Variants in FAM193A observed in about 807,000 individuals in gnomAD.
FAM193A encodes the protein family with sequence similarity 193 member A, also known as protein FAM193A.
A neutral mutation model predicts 126.5 loss-of-function variants in FAM193A; 22 were observed. That is an observed-to-expected ratio of 0.17 (90% CI 0.12 to 0.25). The LOEUF (loss-of-function observed/expected upper bound fraction) is 0.25, where lower values mean the gene tolerates loss of function less well. Ranked by LOEUF, FAM193A falls within the 10% of genes least tolerant of loss-of-function variation. FAM193A has a pLI of 1.00. For missense variants in FAM193A, 1,675 were observed against 1,672.8 expected (o/e 1.00, Z -0.02); for synonymous variants, 761 against 646.8 (o/e 1.18, Z -2.68).
intron 20 of FAM193A, among the ~76,000 whole-genome samples, chr4:2,726,222 G>A (rs1241392625): frequency 6.6e-6 from 1 of 152,018 alleles, no homozygotes; most frequent in Non-Finnish European, 1.5e-5. Context: ...AAAATGTTTA[G>A]TAGAGACAGT....
At chr4:2,684,306 G>A (rs1715478892) in intron 13 of FAM193A, among the ~76,000 whole-genome samples, 1 of 152,070 alleles carries the variant, frequency 6.6e-6, no homozygotes, top group Non-Finnish European at 1.5e-5. Flanking sequence ...AAGTGATTCT[G>A]TAGTGGTGCC....
chr4:2,685,630 C>T (rs190173552), intron 13 of FAM193A, among the ~76,000 whole-genome samples: 16 of 152,288 alleles, frequency 1.1e-4, no homozygotes, highest in East Asian at 5.8e-4. Flanking sequence ...TTAACCTTTT[C>T]GTTACTGGGG....
intron 13 of FAM193A, among the ~76,000 whole-genome samples, chr4:2,675,165 G>T (rs1490741463): frequency 6.6e-6 from 1 of 152,074 alleles, no homozygotes; most frequent in Non-Finnish European, 1.5e-5. Context: ...CCCAGAATTT[G>T]GTCTGTCTTG....
chr4:2,598,744 G>T (rs1741016808), intron 2 of FAM193A, among the ~76,000 whole-genome samples: 2 of 152,240 alleles, frequency 1.3e-5, no homozygotes, highest in Non-Finnish European at 2.9e-5. Flanking sequence ...TGTGCACCTG[G>T]GAGGCCAGGT....
At position 2,663,165 on chromosome 4, in the gene FAM193A, G is replaced by T. The variant is rs746495617; in HGVS notation, c.1956G>T (p.Ala652=). The T allele has an allele frequency of 4.1e-5, 66 of 1,614,052 alleles. No individual in the cohort carries two copies. The Admixed American group carries it at 5.2e-4, about 13-fold the overall frequency. ...CCTCAGAAGCTGATGATGAAGAAGCGGACGGCGAGAGTAGTGGGGAGCCCC... is the reference window on the plus strand; with the variant it reads ...CCTCAGAAGCTGATGATGAAGAAGCTGACGGCGAGAGTAGTGGGGAGCCCC... ...SSSSEADDEE[A]DGESSGEPPG... is the part of the protein sequence containing the mutation. Residue 652 remains alanine (A), a synonymous_variant, in exon 12 of 21, where the codon GCG becomes GCT. Coordinates refer to ENST00000637812, the MANE Select transcript of FAM193A (RefSeq NM_001366318.2).
chr4:2,722,641 ACAGT>A (rs1447340483), intron 20 of FAM193A, among the ~76,000 whole-genome samples: 2 of 152,180 alleles, frequency 1.3e-5, no homozygotes, highest in Non-Finnish European at 2.9e-5. Flanking sequence ...GGGAGATGAC[ACAGT>A]CAGCCCTTCC....
intron 2 of FAM193A, among the ~76,000 whole-genome samples, chr4:2,597,197 A>T (rs1017931375): frequency 1.3e-5 from 2 of 152,040 alleles, no homozygotes; most frequent in African/African-American, 4.8e-5. Context: ...CCCCTCCCGC[A>T]TGTCCCGCTT....
At chr4:2,695,267 T>C in intron 17 of FAM193A, 138 bp downstream of exon 17, 1 of 652,602 alleles carries the variant, frequency 1.5e-6, no homozygotes, top group Non-Finnish European at 2.3e-6. Flanking sequence ...CAAAGAAAAA[T>C]ATATGCCCAA....
At chr4:2,654,134 C>G (rs1168059385) in intron 7 of FAM193A, among the ~76,000 whole-genome samples, 1 of 152,168 alleles carries the variant, frequency 6.6e-6, no homozygotes, top group Non-Finnish European at 1.5e-5. Flanking sequence ...TATACTGATT[C>G]AAAGGCTTTA....
chr4:2,708,894 A>C (rs373562603), intron 19 of FAM193A, among the ~76,000 whole-genome samples: 1 of 152,202 alleles, frequency 6.6e-6, no homozygotes, highest in South Asian at 2.1e-4. Context: ...CTACTTTTTC[A>C]ATTCTTACGC....
At chr4:2,630,766 A>G (rs1743483144) in intron 4 of FAM193A, among the ~76,000 whole-genome samples, 169 bp from the exon 5 acceptor site, 1 of 152,188 alleles carries the variant, frequency 6.6e-6, no homozygotes. Flanking sequence ...CGGATTCCCC[A>G]TCCATTAGGT....
intron 1 of FAM193A, among the ~76,000 whole-genome samples, chr4:2,553,482 G>T (rs944487586): frequency 6.7e-6 from 1 of 149,680 alleles, no homozygotes. Context: ...CCGGGTTCAA[G>T]AGATTCTCCT....
At chr4:2,668,966 C>G (rs1459981318) in intron 12 of FAM193A, among the ~76,000 whole-genome samples, 1 of 152,120 alleles carries the variant, frequency 6.6e-6, no homozygotes, top group Non-Finnish European at 1.5e-5. Flanking sequence ...CCTCAGCCAC[C>G]TGAGTAGCTG....
chr4:2,633,143 A>G (rs1743761814), intron 5 of FAM193A, among the ~76,000 whole-genome samples: 1 of 152,086 alleles, frequency 6.6e-6, no homozygotes, highest in Non-Finnish European at 1.5e-5. Flanking sequence ...CACGCCTGTA[A>G]TTCCAGCACT....
chr4:2,714,331 C>G (rs955499867), intron 19 of FAM193A, among the ~76,000 whole-genome samples: 5 of 152,122 alleles, frequency 3.3e-5, no homozygotes, highest in Non-Finnish European at 5.9e-5. Context: ...ACATGTGGAG[C>G]CTGCTGTGGC....
intron 5 of FAM193A, among the ~76,000 whole-genome samples, chr4:2,633,215 T>C (rs1050012093): frequency 2.0e-5 from 3 of 151,856 alleles, no homozygotes; most frequent in Admixed American, 6.6e-5. Flanking sequence ...CTGGCCAATA[T>C]GATGAAACCC....
At chr4:2,540,843 C>G (rs1427085304) in intron 1 of FAM193A, among the ~76,000 whole-genome samples, 1 of 151,842 alleles carries the variant, frequency 6.6e-6, no homozygotes, top group Non-Finnish European at 1.5e-5. Context: ...TGCCTGTAAT[C>G]CCAGCTACTC....
At chr4:2,721,942 TTGAG>T (rs1410579130) in intron 20 of FAM193A, among the ~76,000 whole-genome samples, 1 of 152,148 alleles carries the variant, frequency 6.6e-6, no homozygotes, top group African/African-American at 2.4e-5. Flanking sequence ...AGACATAACA[TTGAG>T]TGAAATAAGA....
chr4:2,549,247 G>T (rs1349548504), intron 1 of FAM193A, among the ~76,000 whole-genome samples: 3 of 151,022 alleles, frequency 2.0e-5, no homozygotes, highest in Non-Finnish European at 3.0e-5. Flanking sequence ...CTGTAAACCG[G>T]TTTTTTGCAG....
Sources: allele counts gnomAD v4.1 joint callset (sites outside exome capture counted in the v4.1 genomes callset), GRCh38; gene constraint gnomAD v4.1.1; transcripts MANE v1.5; gene names NCBI Gene and HGNC (gene_info 2026-07-23, HGNC 2026-07-21).